PCDH11Y: variants seen among roughly 807,000 people sequenced by gnomAD.
PCDH11Y encodes protocadherin 11 Y-linked.
For synonymous variants in PCDH11Y, 9 were observed against 83.6 expected, an observed-to-expected ratio of 0.11 and a Z score of 4.87; for missense variants, 12 against 224.8, an observed-to-expected ratio of 0.05 and a Z score of 6.05.
intron 2 of PCDH11Y, among the ~76,000 whole-genome samples, chrY:5,182,219 C>T (rs2052900880): frequency 9.1e-5 from 3 of 32,859 alleles, no homozygotes; most frequent in Admixed American, 5.6e-4. Context: ...ACCCTAGTTG[C>T]CTCAGTTTCT....
chrY:5,448,733 G>T, intron 2 of PCDH11Y, among the ~76,000 whole-genome samples: 1 of 32,937 alleles, frequency 3.0e-5, no homozygotes, highest in Admixed American at 2.8e-4. Flanking sequence ...CAGTCGTCAT[G>T]CTGGAAGTAC....
intron 4 of PCDH11Y, among the ~76,000 whole-genome samples, chrY:5,669,279 T>C (rs2053547248): frequency 3.1e-5 from 1 of 32,301 alleles, no homozygotes; most frequent in South Asian, 6.9e-4. Context: ...TCCTATCTAG[T>C]TGTAATTTTG....
chrY:5,474,567 T>C (rs2053316868), intron 2 of PCDH11Y, among the ~76,000 whole-genome samples: 1 of 32,659 alleles, frequency 3.1e-5, no homozygotes, highest in Non-Finnish European at 7.6e-5. Context: ...TTTTGATTAT[T>C]GTAGATTTGT....
chrY:5,293,319 G>A (rs2053070171), intron 2 of PCDH11Y, among the ~76,000 whole-genome samples: 2 of 31,226 alleles, frequency 6.4e-5, no homozygotes, highest in Admixed American at 3.0e-4. Flanking sequence ...TAGTAGAGAC[G>A]GGGTTTTACC....
chrY:5,361,405 G>A (rs2053174228), intron 2 of PCDH11Y, among the ~76,000 whole-genome samples: 2 of 31,271 alleles, frequency 6.4e-5, no homozygotes, highest in East Asian at 1.7e-3. Context: ...CTTTAAACAG[G>A]ATCACTTTAT....
At chrY:5,082,699 T>G (rs1483107580) in intron 1 of PCDH11Y, among the ~76,000 whole-genome samples, 7 of 33,413 alleles carry the variant, frequency 2.1e-4, no homozygotes, top group Non-Finnish European at 2.2e-4. Context: ...CTCTGGTGGT[T>G]GTTTGTGTTT....
chrY:5,035,208 G>T, intron 3 of PCDH11Y, among the ~76,000 whole-genome samples: 1 of 28,626 alleles, frequency 3.5e-5, no homozygotes, highest in Non-Finnish European at 8.2e-5. Flanking sequence ...TGGTTGGATA[G>T]ATAATATATT....
chrY:5,625,290 A>G, intron 4 of PCDH11Y, among the ~76,000 whole-genome samples: 1 of 31,832 alleles, frequency 3.1e-5, no homozygotes, highest in African/African-American at 1.2e-4. Context: ...ATCTGTGAAC[A>G]TAAATAGTTT....
At chrY:5,254,881 G>T (rs1602894250) in intron 2 of PCDH11Y, among the ~76,000 whole-genome samples, 1 of 31,557 alleles carries the variant, frequency 3.2e-5, no homozygotes, top group East Asian at 8.3e-4. Context: ...TTCTGGTTGG[G>T]CAAAGATTTT....
intron 2 of PCDH11Y, among the ~76,000 whole-genome samples, chrY:5,358,602 T>C: frequency 3.0e-5 from 1 of 33,077 alleles, no homozygotes; most frequent in Non-Finnish European, 7.4e-5. Context: ...GACTTTCAGG[T>C]CATAGGTAGA....
chrY:5,432,068 T>C (rs1602924517), intron 2 of PCDH11Y, among the ~76,000 whole-genome samples: 1 of 33,346 alleles, frequency 3.0e-5, no homozygotes, highest in East Asian at 7.8e-4. Flanking sequence ...ATGTTACTTA[T>C]TGTTATTAGT....
chrY:5,143,567 T>C (rs1411499763), intron 2 of PCDH11Y, among the ~76,000 whole-genome samples: 6 of 33,627 alleles, frequency 1.8e-4, no homozygotes, highest in Admixed American at 1.6e-3. Context: ...GAATAATCCA[T>C]GTGCATCACC....
At chrY:5,011,755 C>G in intron 1 of PCDH11Y, among the ~76,000 whole-genome samples, 1 of 32,586 alleles carries the variant, frequency 3.1e-5, no homozygotes, top group African/African-American at 1.2e-4. Context: ...TTTCATAGTT[C>G]TCATTTCTTT....
chrY:5,007,831 C>T, intron 1 of PCDH11Y, among the ~76,000 whole-genome samples: 1 of 30,161 alleles, frequency 3.3e-5, no homozygotes, highest in Non-Finnish European at 7.9e-5. Context: ...AGGTCTTTTC[C>T]CAACATCCCT....
chrY:5,364,633 T>A (rs2053178677), intron 2 of PCDH11Y, among the ~76,000 whole-genome samples: 2 of 31,311 alleles, frequency 6.4e-5, no homozygotes, highest in Non-Finnish European at 1.6e-4. Context: ...TAAAAAAAAA[T>A]TTTTAACTAT....
chrY:5,080,480 C>T (rs1602858236), intron 1 of PCDH11Y, among the ~76,000 whole-genome samples: 1 of 30,802 alleles, frequency 3.2e-5, no homozygotes, highest in African/African-American at 1.3e-4. Context: ...AATGAATCCA[C>T]AGTTTACAAC....
At chrY:5,110,354 T>A (rs2124638773), downstream of PCDH11Y, among the ~76,000 whole-genome samples, 1 of 31,907 alleles carries the variant, frequency 3.1e-5, no homozygotes, top group East Asian at 8.4e-4. Flanking sequence ...GAGAATCTCT[T>A]GAGTGGCGGG....
intron 2 of PCDH11Y, among the ~76,000 whole-genome samples, chrY:5,113,946 A>G (rs2052805670): frequency 3.2e-5 from 1 of 31,413 alleles, no homozygotes; most frequent in Non-Finnish European, 7.6e-5. Context: ...TCCTCTCCTC[A>G]GTCACATCCA....
intron 2 of PCDH11Y, among the ~76,000 whole-genome samples, chrY:5,205,661 AATAT>A (rs1404714318): frequency 4.3e-5 from 1 of 23,307 alleles, no homozygotes; most frequent in East Asian, 1.1e-3. Flanking sequence ...TGAATATATA[AATAT>A]ATATATATAT....
Sources: allele counts gnomAD v4.1 joint callset (sites outside exome capture counted in the v4.1 genomes callset), GRCh38; gene constraint gnomAD v4.1.1; transcripts MANE v1.5; gene names NCBI Gene and HGNC (gene_info 2026-07-23, HGNC 2026-07-21).